The following DNAH11 variants were observed in gnomAD, a reference collection of about 807,000 sequenced individuals.
DNAH11 encodes axonemal beta dynein heavy chain 11.
A neutral mutation model predicts 526.0 loss-of-function variants in DNAH11; 442 were observed. The ratio of observed to expected loss-of-function variants is 0.84; its 90% CI spans 0.78 to 0.91. DNAH11 has a LOEUF of 0.91. Among genes scored for constraint, DNAH11 ranks in the 40% least tolerant of loss-of-function variants. The pLI, the probability that DNAH11 is intolerant of heterozygous loss-of-function variation, is 0.00. For synonymous variants in DNAH11, 2,461 were observed against 1,935.9 expected, an observed-to-expected ratio of 1.27 and a Z score of -7.12; for missense variants, 6,989 against 5,448.7, an observed-to-expected ratio of 1.28 and a Z score of -8.90.
At chr7:21,838,716 C>CCATTTATTTATTTATTTATT (rs1782089138) in intron 65 of DNAH11, among the ~76,000 whole-genome samples, 1 of 148,878 alleles carries the variant, frequency 6.7e-6, no homozygotes, top group African/African-American at 2.5e-5. Context: ...GATTTTTAAA[C>CCATTTATTTATTTATTTATT]TATTTATTTA....
At chr7:21,818,861 T>C (rs1789930038) in intron 65 of DNAH11, among the ~76,000 whole-genome samples, 2 of 152,262 alleles carry the variant, frequency 1.3e-5, no homozygotes, top group Non-Finnish European at 1.5e-5. Flanking sequence ...CCAACAGTAA[T>C]GGATTGTCAA....
rs3214204 is a variant in DNAH11 at position 21,544,683 on chromosome 7, AT to A, written c.352-320del. On this transcript the variant is annotated intron_variant, in intron 1 of 81. Coordinates refer to ENST00000409508, the MANE Select transcript of DNAH11 (RefSeq NM_001277115.2). ...AAAAATAACCCTTTAGGATTGAAAC[AT>A]TTCTACATGCCTACGTGCTCCTTAT... Among the ~76,000 whole-genome samples, 67,324 of 151,810 alleles carry A rather than the reference AT, an allele frequency of 0.44. 15,260 individuals are homozygous for A. The highest frequency in any genetic ancestry group is 0.53 in the Middle Eastern group (155 of 294).
intron 63 of DNAH11, among the ~76,000 whole-genome samples, chr7:21,814,215 G>A (rs1789665251): frequency 6.6e-6 from 1 of 152,136 alleles, no homozygotes; most frequent in Non-Finnish European, 1.5e-5. Context: ...CGCGAATGGA[G>A]CATGCAGAAC....
intron 56 of DNAH11, among the ~76,000 whole-genome samples, chr7:21,778,248 G>A (rs371418474): frequency 1.4e-4 from 21 of 152,286 alleles, no homozygotes; most frequent in African/African-American, 5.1e-4. Context: ...AGTTCTCCAA[G>A]AGCTGAGTAA....
At chr7:21,550,461 T>G (rs1419673701) in intron 2 of DNAH11, among the ~76,000 whole-genome samples, 1 of 152,204 alleles carries the variant, frequency 6.6e-6, no homozygotes, top group East Asian at 1.9e-4. Flanking sequence ...TGCCCAAATA[T>G]AGGATCTCAT....
At chr7:21,673,500 C>G (rs528105317) in intron 30 of DNAH11, among the ~76,000 whole-genome samples, 67 of 152,170 alleles carry the variant, frequency 4.4e-4, no homozygotes, top group Non-Finnish European at 7.9e-4. Context: ...TCCCTCCCCC[C>G]ACAGCATCCT....
intron 63 of DNAH11, among the ~76,000 whole-genome samples, chr7:21,809,870 T>G (rs985693595): frequency 1.3e-5 from 2 of 152,150 alleles, no homozygotes; most frequent in Non-Finnish European, 2.9e-5. Context: ...CTGGCCTGAT[T>G]TGATTTTTGC....
intron 54 of DNAH11, among the ~76,000 whole-genome samples, chr7:21,758,437 T>C (rs918639852): frequency 3.3e-5 from 5 of 152,188 alleles, no homozygotes; most frequent in African/African-American, 1.2e-4. Flanking sequence ...CATGTAGCCA[T>C]TCATCATTCA....
chr7:21,803,786 C>T (rs1025148342), intron 62 of DNAH11, among the ~76,000 whole-genome samples: 3 of 149,888 alleles, frequency 2.0e-5, no homozygotes, highest in African/African-American at 7.5e-5. Context: ...GGGAATGGGG[C>T]TGTCATCATT....
intron 45 of DNAH11, among the ~76,000 whole-genome samples, chr7:21,731,807 G>A (rs886748656): frequency 4.6e-5 from 7 of 152,060 alleles, no homozygotes; most frequent in African/African-American, 9.7e-5. Context: ...ATCTTCATCC[G>A]GCTGTCTTGG....
chr7:21,609,225 T>G (rs893760430), intron 20 of DNAH11, among the ~76,000 whole-genome samples: 1 of 152,156 alleles, frequency 6.6e-6, no homozygotes, highest in Non-Finnish European at 1.5e-5. Flanking sequence ...TTTCTTTTCT[T>G]TTCTTTCTTT....
chr7:21,642,182 T>C (rs929615413), intron 28 of DNAH11, among the ~76,000 whole-genome samples: 2 of 152,214 alleles, frequency 1.3e-5, no homozygotes, highest in Non-Finnish European at 2.9e-5. Flanking sequence ...TTGAGGTCTT[T>C]TCATGTACAC....
rs1382616171 is a variant in DNAH11 at position 21,852,518 on chromosome 7, G to A, written c.10948G>A (p.Glu3650Lys). 6.2e-7 allele frequency: 1 copy of A among 1,613,692 alleles called. No individual in the cohort carries two copies. Among genetic ancestry groups the A allele is most frequent in the Admixed American group, 1.7e-5 (1 of 59,996 alleles). The change falls in exon 67 of 82, where the codon GAA becomes AAA. Residue 3650 changes from glutamate (E) to lysine (K), a missense_variant. Physicochemically the swap from Glu to Lys is moderately conservative, Grantham distance 56 (BLOSUM62 1). Transcript: ENST00000409508. ...NDFKIELKYLEDDLLLRLSAA... is the reference protein window; with the variant it reads ...NDFKIELKYLKDDLLLRLSAA... ...TTTTAAAATTGAGCTCAAGTATCTG[G>A]AAGACGATCTCCTTTTGCGCCTTTC...
intron 45 of DNAH11, among the ~76,000 whole-genome samples, chr7:21,732,602 G>A (rs867976863): frequency 6.6e-6 from 1 of 152,156 alleles, no homozygotes; most frequent in Non-Finnish European, 1.5e-5. Context: ...ATTTGAGGAG[G>A]AGACAATTCA....
intron 63 of DNAH11, among the ~76,000 whole-genome samples, chr7:21,815,427 A>G (rs950784448): frequency 6.6e-6 from 1 of 152,214 alleles, no homozygotes; most frequent in Admixed American, 6.5e-5. Flanking sequence ...AGGCAGTAAG[A>G]ATATTGTGCT....
intron 14 of DNAH11, among the ~76,000 whole-genome samples, chr7:21,592,637 G>A (rs1402133328): frequency 6.6e-6 from 1 of 152,234 alleles, no homozygotes; most frequent in African/African-American, 2.4e-5. Context: ...TTGGCAGGGA[G>A]ACTCTTCAGA....
intron 57 of DNAH11, 104 bp downstream of exon 57, chr7:21,779,208 T>A (rs1787828094): frequency 7.3e-7 from 1 of 1,362,570 alleles, no homozygotes; most frequent in South Asian, 1.6e-5. Context: ...GAGCATAAAG[T>A]CTAAAGAATT....
rs1782660751 is a variant in DNAH11, at chr7:21,543,380, G to T, written c.135G>T (p.Ala45=). The T allele has an allele frequency of 2.6e-6, 4 of 1,551,822 alleles. No homozygotes were observed. The highest frequency in any genetic ancestry group is 2.4e-5 in the East Asian group (1 of 40,946). Residue 45 remains alanine (A), a synonymous_variant, in exon 1 of 82, where the codon GCG becomes GCT. Transcript: ENST00000409508. ...LEEEEENEEE[A]AARRARSFAQ... ...AGGAGGAGGAGAACGAGGAGGAGGC[G>T]GCGGCCAGGAGAGCGCGGAGTTTCG...
In DNAH11 at chr7:21,591,197, C is replaced by G. The variant is rs761259910; in HGVS notation, c.2287C>G (p.Leu763Val). ...TTTCTTTGCTCAGTACATTGGAAAT[C>G]TTGACCTTCTTGTGCAAGGGTATAA... Reference protein sequence around the residue: ...RNTILKYIGNLDLLVQGYNKL... With the variant: ...RNTILKYIGNVDLLVQGYNKL... Residue 763 changes from leucine (L) to valine (V), a missense_variant, in exon 14 of 82, where the codon CTT (leucine) becomes GTT (valine). Transcript: ENST00000409508. The G allele has an allele frequency of 6.5e-7, 1 of 1,545,240 alleles. No individual in the cohort carries two copies. The highest frequency in any genetic ancestry group is 8.7e-7 in the Non-Finnish European group (1 of 1,151,890).
Sources: allele counts gnomAD v4.1 joint callset (sites outside exome capture counted in the v4.1 genomes callset), GRCh38; gene constraint gnomAD v4.1.1; transcripts MANE v1.5; gene names NCBI Gene and HGNC (gene_info 2026-07-23, HGNC 2026-07-21).